ATG10: variants seen among roughly 807,000 people sequenced by gnomAD.
ATG10 encodes the protein ubiquitin-like-conjugating enzyme ATG10.
A neutral mutation model predicts 32.1 loss-of-function variants in ATG10; 30 were observed. The ratio of observed to expected loss-of-function variants is 0.94; its 90% CI spans 0.70 to 1.27. ATG10 has a LOEUF of 1.27. ATG10 is among the 50% of genes most tolerant of loss of function. The pLI, the probability that ATG10 is intolerant of heterozygous loss-of-function variation, is 0.00. For missense variants in ATG10, 233 were observed against 262.3 expected (o/e 0.89, Z 0.77); for synonymous variants, 87 against 91.5 (o/e 0.95, Z 0.28).
chr5:82,207,842 G>A (rs1254217968), intron 5 of ATG10, among the ~76,000 whole-genome samples: 1 of 152,182 alleles, frequency 6.6e-6, no homozygotes, highest in Non-Finnish European at 1.5e-5. Context: ...TGGCTAATGT[G>A]ATTGAGGAGC....
At chr5:82,005,686 T>G (rs1035485285) in intron 2 of ATG10, among the ~76,000 whole-genome samples, 10 of 152,228 alleles carry the variant, frequency 6.6e-5, no homozygotes, top group Non-Finnish European at 1.3e-4. Context: ...CAGTTTAGGA[T>G]CTCAGTTTTC....
chr5:82,044,881 C>T (rs796478824), intron 2 of ATG10, among the ~76,000 whole-genome samples: 8 of 152,294 alleles, frequency 5.3e-5, no homozygotes, highest in African/African-American at 1.9e-4. Flanking sequence ...TAGTGAAAGA[C>T]TCACAAAAGG....
chr5:82,022,333 T>C (rs1298613628), intron 2 of ATG10, among the ~76,000 whole-genome samples: 1 of 150,202 alleles, frequency 6.7e-6, no homozygotes, highest in Non-Finnish European at 1.5e-5. Context: ...ATGAGTACTT[T>C]TTTTTTTTTT....
intron 3 of ATG10, among the ~76,000 whole-genome samples, chr5:82,152,467 C>T (rs139628655): frequency 1.3e-5 from 2 of 152,212 alleles, no homozygotes; most frequent in African/African-American, 4.8e-5. Context: ...TTTTGAGGTG[C>T]TAACTTTTCA....
At chr5:82,135,796 T>C (rs540272501) in intron 3 of ATG10, among the ~76,000 whole-genome samples, 25 of 152,286 alleles carry the variant, frequency 1.6e-4, no homozygotes, top group African/African-American at 5.5e-4. Context: ...GTCTTGTTGA[T>C]CTTTCTAATA....
At chr5:81,997,203 G>A (rs1361015301) in intron 2 of ATG10, among the ~76,000 whole-genome samples, 1 of 152,222 alleles carries the variant, frequency 6.6e-6, no homozygotes, top group Non-Finnish European at 1.5e-5. Flanking sequence ...AGATCCCACT[G>A]CCACCGCCCA....
chr5:82,136,204 G>C (rs1766736527), intron 3 of ATG10, among the ~76,000 whole-genome samples: 1 of 152,028 alleles, frequency 6.6e-6, no homozygotes, highest in South Asian at 2.1e-4. Flanking sequence ...TCTTTTAATT[G>C]GGGGCATTTA....
intron 4 of ATG10, among the ~76,000 whole-genome samples, chr5:82,174,840 A>G (rs1250964450): frequency 6.6e-6 from 1 of 152,190 alleles, no homozygotes; most frequent in Non-Finnish European, 1.5e-5. Context: ...CAAACACAGA[A>G]CTTCAATAGG....
chr5:82,173,065 A>G (rs536498407), intron 4 of ATG10, among the ~76,000 whole-genome samples: 82 of 152,080 alleles, frequency 5.4e-4, no homozygotes, highest in Non-Finnish European at 1.0e-3. Context: ...TGAAAAATCT[A>G]CTCTTTCCTT....
intron 3 of ATG10, among the ~76,000 whole-genome samples, chr5:82,077,293 G>T (rs72776851): frequency 0.082 from 12,437 of 152,102 alleles, 745 homozygotes; most frequent in African/African-American, 0.18. Context: ...TCATACCATT[G>T]CACTCCAAGC....
intron 2 of ATG10, among the ~76,000 whole-genome samples, chr5:82,057,697 T>C (rs1763647935): frequency 6.6e-6 from 1 of 152,132 alleles, no homozygotes. Context: ...TTCAAAAAAG[T>C]GTTACCTTAA....
At chr5:82,241,835 TAAAA>T (rs933902330) in intron 5 of ATG10, among the ~76,000 whole-genome samples, 1 of 150,064 alleles carries the variant, frequency 6.7e-6, no homozygotes, top group Non-Finnish European at 1.5e-5. Flanking sequence ...ACAAAACAGA[TAAAA>T]AAAGAAAAAA....
chr5:82,124,219 G>C (rs1005815837), intron 3 of ATG10, among the ~76,000 whole-genome samples: 4 of 151,238 alleles, frequency 2.6e-5, no homozygotes, highest in African/African-American at 7.3e-5. Context: ...TAGCCAGGAT[G>C]GTCTCGATCT....
intron 1 of ATG10, among the ~76,000 whole-genome samples, chr5:81,982,544 GTT>G (rs547076127): frequency 6.9e-5 from 10 of 145,942 alleles, no homozygotes; most frequent in South Asian, 2.2e-4. Flanking sequence ...GAGATTCATT[GTT>G]TTTTTTTTTT....
chr5:82,122,558 G>A (rs992475481), intron 3 of ATG10, among the ~76,000 whole-genome samples: 13 of 152,170 alleles, frequency 8.5e-5, no homozygotes, highest in Non-Finnish European at 1.3e-4. Context: ...ACTATCAACA[G>A]AGTAAACAGA....
At chr5:82,251,081 A>G (rs1747237676) in intron 5 of ATG10, among the ~76,000 whole-genome samples, 1 of 152,334 alleles carries the variant, frequency 6.6e-6, no homozygotes, top group South Asian at 2.1e-4. Context: ...AGGTGGTGCT[A>G]AAAATGCCAG....
intron 2 of ATG10, among the ~76,000 whole-genome samples, chr5:82,045,934 G>A (rs1002285807): frequency 2.8e-4 from 42 of 152,180 alleles, no homozygotes; most frequent in African/African-American, 8.9e-4. Context: ...AGGCTCCATG[G>A]ATAAAAAGCA....
intron 3 of ATG10, among the ~76,000 whole-genome samples, chr5:82,062,270 A>G (rs545382385): frequency 2.0e-4 from 30 of 152,242 alleles, no homozygotes; most frequent in African/African-American, 6.7e-4. Context: ...TGTCACGGGA[A>G]TGGAATCGGA....
intron 2 of ATG10, among the ~76,000 whole-genome samples, chr5:82,047,236 A>T (rs1013218708): frequency 6.6e-6 from 1 of 152,188 alleles, no homozygotes; most frequent in African/African-American, 2.4e-5. Flanking sequence ...CAAATTGTTT[A>T]ATAAAAAGTA....
Sources: allele counts gnomAD v4.1 joint callset (sites outside exome capture counted in the v4.1 genomes callset), GRCh38; gene constraint gnomAD v4.1.1; transcripts MANE v1.5; gene names NCBI Gene and HGNC (gene_info 2026-07-23, HGNC 2026-07-21).